The following ZFAND3 variants were observed in gnomAD, a reference collection of about 807,000 sequenced individuals.
ZFAND3 encodes zinc finger AN1-type containing 3, also known as AN1-type zinc finger protein 3.
Under a neutral mutation model 29.6 loss-of-function variants are expected in ZFAND3, and 10 were observed. The observed-to-expected ratio is 0.34, with a 90% CI of 0.21 to 0.57. The LOEUF is 0.57. ZFAND3 is among the 20% of genes least tolerant of loss of function. The pLI is 0.86. For synonymous variants in ZFAND3, 128 were observed against 112.6 expected (o/e 1.14, Z -0.87); for missense variants, 230 against 304.5 (o/e 0.76, Z 1.82).
chr6:38,049,959 T>C (rs1163925817), intron 2 of ZFAND3, among the ~76,000 whole-genome samples: 2 of 10,930 alleles, frequency 1.8e-4, no homozygotes, highest in Non-Finnish European at 6.3e-4. Context: ...TTTTTTTTTT[T>C]TTTTTTTTTG....
intron 4 of ZFAND3, among the ~76,000 whole-genome samples, chr6:38,111,384 ATATTG>A (rs1225145651): frequency 6.6e-6 from 1 of 152,214 alleles, no homozygotes; most frequent in Non-Finnish European, 1.5e-5. Flanking sequence ...CATAGTGTTT[ATATTG>A]TATTAGGGAT....
At chr6:37,991,714 C>T (rs922024129) in intron 2 of ZFAND3, among the ~76,000 whole-genome samples, 5 of 152,136 alleles carry the variant, frequency 3.3e-5, no homozygotes, top group Admixed American at 1.3e-4. Context: ...GTACTTTTGT[C>T]TTCAGTTAAG....
At chr6:38,000,329 A>C (rs533041641) in intron 2 of ZFAND3, among the ~76,000 whole-genome samples, 10 of 152,350 alleles carry the variant, frequency 6.6e-5, no homozygotes, top group African/African-American at 2.4e-4. Flanking sequence ...CAAATTTGTG[A>C]AAGAGCGAAA....
In ZFAND3 at chr6:37,949,596, A is replaced by G. The variant is rs79341150; in HGVS notation, c.112+19597A>G. ...CCCAGGTTTCCGGAACTTCTGACAC[A>G]CACATCAAGTTGAGATTCCCACAAC... On this transcript the variant is annotated intron_variant, in intron 2 of 5. Coordinates refer to ENST00000287218, the MANE Select transcript of ZFAND3 (RefSeq NM_021943.3). Among the ~76,000 whole-genome samples the G allele has an allele frequency of 1.6e-4, 24 of 152,294 alleles. No homozygotes were observed. The East Asian group carries it at 4.6e-3, about 29-fold the overall frequency.
intron 2 of ZFAND3, among the ~76,000 whole-genome samples, chr6:38,013,968 A>G (rs1247312889): frequency 6.6e-6 from 1 of 152,226 alleles, no homozygotes; most frequent in East Asian, 1.9e-4. Context: ...AGCCAGATGC[A>G]AGAGGTTTTG....
intron 2 of ZFAND3, among the ~76,000 whole-genome samples, chr6:38,030,983 A>G (rs1260858685): frequency 1.3e-5 from 2 of 152,160 alleles, no homozygotes; most frequent in Non-Finnish European, 2.9e-5. Flanking sequence ...AATGGTGCAA[A>G]AGCTTGCTAG....
At chr6:37,976,252 T>G (rs906581327) in intron 2 of ZFAND3, among the ~76,000 whole-genome samples, 5 of 152,164 alleles carry the variant, frequency 3.3e-5, no homozygotes, top group African/African-American at 1.2e-4. Context: ...GGGTTTTCTA[T>G]AAAGATGTAT....
chr6:37,963,079 A>G (rs1762227559), intron 2 of ZFAND3, among the ~76,000 whole-genome samples: 1 of 152,152 alleles, frequency 6.6e-6, no homozygotes, highest in East Asian at 1.9e-4. Flanking sequence ...CTGAAGGAAC[A>G]AACTCTGGAC....
intron 3 of ZFAND3, among the ~76,000 whole-genome samples, chr6:38,070,666 CAT>C (rs1764437237): frequency 6.6e-6 from 1 of 152,048 alleles, no homozygotes; most frequent in African/African-American, 2.4e-5. Flanking sequence ...GCTAATGGTG[CAT>C]ATGTTATTTT....
At chr6:37,930,585 C>T (rs1761576216) in intron 2 of ZFAND3, among the ~76,000 whole-genome samples, 1 of 152,246 alleles carries the variant, frequency 6.6e-6, no homozygotes, top group Non-Finnish European at 1.5e-5. Context: ...GGGTAAGTCA[C>T]GTAATCTCTT....
intron 5 of ZFAND3, among the ~76,000 whole-genome samples, chr6:38,126,866 A>T (rs969018132): frequency 1.3e-4 from 19 of 151,764 alleles, no homozygotes; most frequent in Non-Finnish European, 2.5e-4. Context: ...TTTATTCCTA[A>T]ATATTTTAGT....
chr6:37,961,522 G>A (rs1762195217), intron 2 of ZFAND3, among the ~76,000 whole-genome samples: 2 of 152,242 alleles, frequency 1.3e-5, no homozygotes, highest in Admixed American at 1.3e-4. Flanking sequence ...GTGACAGCCA[G>A]GGTGTGGTTA....
At chr6:38,091,367 A>G (rs1194483621) in intron 4 of ZFAND3, among the ~76,000 whole-genome samples, 2 of 151,794 alleles carry the variant, frequency 1.3e-5, no homozygotes, top group African/African-American at 2.4e-5. Context: ...CTGAACTTTC[A>G]TTAATTAGCT....
chr6:38,007,327 A>C (rs11759754), intron 2 of ZFAND3, among the ~76,000 whole-genome samples: 2 of 152,260 alleles, frequency 1.3e-5, no homozygotes, highest in Non-Finnish European at 2.9e-5. Context: ...TGGGAGGCCA[A>C]GGCAGGAGGA....
chr6:37,860,813 G>A (rs1350060415), intron 1 of ZFAND3, among the ~76,000 whole-genome samples: 1 of 151,392 alleles, frequency 6.6e-6, no homozygotes, highest in Non-Finnish European at 1.5e-5. Flanking sequence ...TTCATTTATG[G>A]GATGTGGCTT....
At chr6:38,047,346 C>A (rs921775851) in intron 2 of ZFAND3, among the ~76,000 whole-genome samples, 1 of 151,492 alleles carries the variant, frequency 6.6e-6, no homozygotes, top group Non-Finnish European at 1.5e-5. Flanking sequence ...AATATTACTT[C>A]TTTCAAACCC....
chr6:38,012,819 A>G (rs1310345209), intron 2 of ZFAND3, among the ~76,000 whole-genome samples: 1 of 152,164 alleles, frequency 6.6e-6, no homozygotes. Context: ...CTCTGACCAT[A>G]TTGCAACTTC....
chr6:38,003,688 T>TTTA, intron 2 of ZFAND3: 2 of 321,464 alleles, frequency 6.2e-6, no homozygotes, highest in Non-Finnish European at 1.2e-5. Flanking sequence ...TTTTTTTTTG[T>TTTA]AGAGACGGGG....
intron 4 of ZFAND3, among the ~76,000 whole-genome samples, chr6:38,104,900 T>C (rs969940752): frequency 3.3e-5 from 5 of 152,148 alleles, no homozygotes; most frequent in Non-Finnish European, 7.3e-5. Context: ...GGTACTCTTA[T>C]GGGAAAGCAG....
Sources: allele counts gnomAD v4.1 joint callset (sites outside exome capture counted in the v4.1 genomes callset), GRCh38; gene constraint gnomAD v4.1.1; transcripts MANE v1.5; gene names NCBI Gene and HGNC (gene_info 2026-07-23, HGNC 2026-07-21).